The following DNAH1 variants were observed in gnomAD, a reference collection of about 807,000 sequenced individuals.
DNAH1 encodes dynein axonemal heavy chain 1.
DNAH1 carries 327 observed loss-of-function variants against 484.3 expected under a neutral mutation model. The ratio of observed to expected loss-of-function variants is 0.68; its 90% CI spans 0.62 to 0.74. DNAH1 has a LOEUF of 0.74. DNAH1 is among the 30% of genes least tolerant of loss of function. The pLI, the probability that DNAH1 is intolerant of heterozygous loss-of-function variation, is 0.00. For missense variants in DNAH1, 5,052 were observed against 5,546.8 expected (o/e 0.91, Z 2.83); for synonymous variants, 2,192 against 2,191.9 (o/e 1.00, Z 0.00).
chr3:52,399,245 C>T (rs1704790516), intron 76 of DNAH1, 44 bp downstream of exon 76: 3 of 1,549,820 alleles, frequency 1.9e-6, no homozygotes, highest in South Asian at 2.4e-5. Context: ...GGCTAGGGTA[C>T]AGCCCAGGGA....
intron 18 of DNAH1, 78 bp downstream of exon 18, chr3:52,352,785 G>T (rs1702449221): frequency 2.0e-6 from 3 of 1,512,652 alleles, no homozygotes; most frequent in South Asian, 1.3e-5. Context: ...CTGCCAGGAG[G>T]CAGGGCTCTG....
intron 36 of DNAH1, 66 bp downstream of exon 36, chr3:52,366,953 G>T: frequency 2.6e-6 from 4 of 1,543,116 alleles, no homozygotes; most frequent in Non-Finnish European, 3.5e-6. Context: ...GTGGGCTGCG[G>T]TCACCCCTCC....
At chr3:52,340,919 G>A (rs1206359549) in intron 8 of DNAH1, among the ~76,000 whole-genome samples, 1 of 151,620 alleles carries the variant, frequency 6.6e-6, no homozygotes, top group Non-Finnish European at 1.5e-5. Context: ...GATTCTAGTT[G>A]TGCTAAAGGT....
upstream of DNAH1, among the ~76,000 whole-genome samples, chr3:52,315,614 C>T (rs536162716): frequency 6.6e-6 from 1 of 152,218 alleles, no homozygotes; most frequent in African/African-American, 2.4e-5. Flanking sequence ...CTTGTAGAAA[C>T]CTAGTCCTCC....
intron 37 of DNAH1, among the ~76,000 whole-genome samples, 194 bp downstream of exon 37, chr3:52,369,112 G>A (rs1703208943): frequency 2.0e-5 from 3 of 152,140 alleles, no homozygotes; most frequent in Admixed American, 2.0e-4. Context: ...CCCTCCCTGA[G>A]CTCCCACACC....
intron 1 of DNAH1, among the ~76,000 whole-genome samples, chr3:52,319,000 C>T (rs920459497): frequency 1.2e-4 from 18 of 152,218 alleles, no homozygotes; most frequent in Non-Finnish European, 2.1e-4. Context: ...AGAATCTCAG[C>T]ACCCGGTTGG....
chr3:52,350,621 G>A (rs377264166), intron 16 of DNAH1, 31 bp downstream of exon 16: 97 of 1,601,278 alleles, frequency 6.1e-5, no homozygotes, highest in Non-Finnish European at 8.2e-5. Flanking sequence ...CATGCCAGGT[G>A]CGGGGTGGAG....
Position 52,353,426 on chromosome 3 carries a change from C to G in DNAH1, c.3273C>G (p.Phe1091Leu). 6.2e-7 allele frequency: 1 copy of G among 1,613,902 alleles called. No homozygotes were observed. Among genetic ancestry groups the G allele is most frequent in the Non-Finnish European group, 8.5e-7 (1 of 1,179,870 alleles). The change falls in exon 20 of 78, where the codon TTC becomes TTG. Residue 1091 changes from phenylalanine to leucine, a missense_variant. By Grantham distance (22) the Phe-to-Leu change is conservative (BLOSUM62 0). Around this residue, in one of 4 missense-constraint regions of DNAH1, gnomAD observed 2,929 missense variants for 3,409.4 expected, o/e 0.86. Coordinates refer to ENST00000420323, the MANE Select transcript of DNAH1 (RefSeq NM_015512.5). The surrounding 1 kb of genome is among the most constrained non-coding windows in gnomAD (Gnocchi z 5.0). ...ACATCCGGGCCCGCATCGAGGAGTT[C>G]AAACCATACATCCCACTGATCCAGG... ...ALDIRARIEE[F>L]KPYIPLIQGL...
chr3:52,338,126 C>T (rs913417256), intron 8 of DNAH1, among the ~76,000 whole-genome samples: 2 of 151,934 alleles, frequency 1.3e-5, no homozygotes, highest in African/African-American at 2.4e-5. Flanking sequence ...TATTTATTTT[C>T]GAGATGGAGT....
At position 52,364,727 on chromosome 3, in the gene DNAH1, G is replaced by A. The variant is rs761022031; in HGVS notation, c.5331+3G>A. The A allele has an allele frequency of 3.7e-6, 6 of 1,612,588 alleles. No individual in the cohort carries two copies. The highest frequency in any genetic ancestry group is 1.7e-5 in the Admixed American group (1 of 59,942). On this transcript the variant is annotated splice_donor_region_variant and intron_variant, in intron 33 of 77. Coordinates refer to ENST00000420323, the MANE Select transcript of DNAH1 (RefSeq NM_015512.5). The surrounding 1 kb of genome is among the most constrained non-coding windows in gnomAD (Gnocchi z 4.2). ...GAGAAAACCCCAGCATGAATGAGGT[G>A]AGCTCCACCCAGCAGGGCTCCAGGA...
intron 46 of DNAH1, among the ~76,000 whole-genome samples, chr3:52,377,424 A>G (rs955206076): frequency 4.0e-5 from 6 of 151,742 alleles, no homozygotes; most frequent in African/African-American, 9.7e-5. Flanking sequence ...TAGCCCCGCC[A>G]TGGTCTCCTG....
At position 52,332,270 on chromosome 3, in the gene DNAH1, C is replaced by A. The variant is rs1578085496; in HGVS notation, c.1162C>A (p.Leu388Met). The change falls in exon 8 of 78, where the codon CTG (leucine) becomes ATG (methionine). Residue 388 changes from leucine (L) to methionine (M), a missense_variant. Transcript: ENST00000420323. ...ANALRKNTEA[L>M]LLYNLYVDCM... ...CGCCCTGCGCAAGAACACGGAAGCA[C>A]TGCTGCTCTACAACTTGTATGTGGA... 3 of 1,614,088 alleles carry A rather than the reference C, an allele frequency of 1.9e-6. No individual in the cohort carries two copies. Among genetic ancestry groups the A allele is most frequent in the Non-Finnish European group, 8.5e-7 (1 of 1,179,904 alleles).
chr3:52,311,488 T>C (rs1261764759), upstream of DNAH1, among the ~76,000 whole-genome samples: 1 of 152,024 alleles, frequency 6.6e-6, no homozygotes, highest in South Asian at 2.1e-4. Context: ...GCCAGCAGAC[T>C]CAGTTCTGAG....
rs752509051 is a variant in DNAH1, at chr3:52,383,859, G to A, written c.8151-1G>A. 1 of 1,586,246 alleles carries A rather than the reference G, an allele frequency of 6.3e-7. No individual in the cohort carries two copies. ...CCTCATTTGGATTCCTGACTTTCCAGCCCCATCGGAGAGGTCTTCCGAGCT... is the reference window on the plus strand; with the variant it reads ...CCTCATTTGGATTCCTGACTTTCCAACCCCATCGGAGAGGTCTTCCGAGCT... On this transcript the variant is annotated splice_acceptor_variant, in intron 51 of 77. Transcript: ENST00000420323. LOFTEE classifies it high-confidence loss of function.
rs573610017 is a variant in DNAH1 at position 52,374,909 on chromosome 3, A to G, written c.6986-331A>G. ...AGGTACTAAAAACGAGAGTGACATG[A>G]AAACGTCCAGGGTTACTTGAAATGT... On this transcript the variant is annotated intron_variant, in intron 44 of 77. Coordinates refer to ENST00000420323, the MANE Select transcript of DNAH1 (RefSeq NM_015512.5). The G allele has an allele frequency of 8.0e-5, 74 of 923,756 alleles. No homozygotes were observed. In the African/African-American group the frequency reaches 1.3e-3, roughly 16 times the overall value. 57.2% of individuals were successfully genotyped at this position (923,756 alleles called of 1,614,324 possible).
chr3:52,331,779 C>T (rs1701565313), intron 7 of DNAH1, among the ~76,000 whole-genome samples: 1 of 152,126 alleles, frequency 6.6e-6, no homozygotes, highest in Non-Finnish European at 1.5e-5. Context: ...TGCCCACGAC[C>T]ACACCCAGCT....
chr3:52,378,667 A>G lies in DNAH1; in HGVS notation c.7264A>G (p.Thr2422Ala). The change falls in exon 47 of 78, where the codon ACC becomes GCC. Residue 2422 changes from threonine to alanine, a missense_variant. Transcript: ENST00000420323. ...LVEATIMVYA[T>A]ITSQLLPTPA... Reference sequence around the variant, plus strand: ...GGAAGCCACCATCATGGTGTATGCAACCATCACCTCCCAGCTGCTGCCCAC... The same window carrying G: ...GGAAGCCACCATCATGGTGTATGCAGCCATCACCTCCCAGCTGCTGCCCAC... 1 of 1,613,730 alleles carries G rather than the reference A, an allele frequency of 6.2e-7. No homozygotes were observed. The highest frequency in any genetic ancestry group is 8.5e-7 in the Non-Finnish European group (1 of 1,179,854).
chr3:52,315,434 A>AG (rs1491292401), upstream of DNAH1, among the ~76,000 whole-genome samples: 1 of 152,192 alleles, frequency 6.6e-6, no homozygotes, highest in Non-Finnish European at 1.5e-5. Context: ...AAGGAGACAC[A>AG]GGGGAGGGGG....
rs766476679 is a variant in DNAH1 at position 52,391,426 on chromosome 3, G to A, written c.9892-17G>A. ...TGATGCTCAGGCCACAGTACCCACC[G>A]GTCCCACCCACCACAGACGTACAAG... On this transcript the variant is annotated splice_polypyrimidine_tract_variant and intron_variant, in intron 62 of 77. Coordinates refer to ENST00000420323, the MANE Select transcript of DNAH1 (RefSeq NM_015512.5). 4.4e-6 allele frequency: 7 copies of A among 1,603,540 alleles called. No homozygotes were observed. The highest frequency in any genetic ancestry group is 2.3e-5 in the East Asian group (1 of 44,208).
Sources: allele counts gnomAD v4.1 joint callset (sites outside exome capture counted in the v4.1 genomes callset), GRCh38; gene constraint gnomAD v4.1.1; regional missense constraint gnomAD v4.1.1; non-coding constraint Gnocchi (gnomAD v3.1); transcripts MANE v1.5; gene names NCBI Gene and HGNC (gene_info 2026-07-23, HGNC 2026-07-21).